The following TFDP1 variants were observed in gnomAD, a reference collection of about 807,000 sequenced individuals.
TFDP1 encodes transcription factor Dp-1, also known as DRTF1-polypeptide 1.
Under a neutral mutation model 48.0 loss-of-function variants are expected in TFDP1, and 6 were observed. The observed-to-expected ratio is 0.13, with a 90% CI of 0.07 to 0.25. The LOEUF is 0.25. Among genes scored for constraint, TFDP1 ranks in the 10% least tolerant of loss-of-function variants. The pLI is 1.00. For missense variants in TFDP1, 335 were observed against 543.0 expected (o/e 0.62, Z 3.81); for synonymous variants, 201 against 211.6 (o/e 0.95, Z 0.44).
chr13:113,601,287 G>T (rs956924632), intron 2 of TFDP1, among the ~76,000 whole-genome samples: 5 of 133,578 alleles, frequency 3.7e-5, no homozygotes, highest in African/African-American at 1.3e-4. Flanking sequence ...GGCGGCCCTG[G>T]CCTGTGGTGC....
At chr13:113,588,611 A>T (rs1394770574) in intron 2 of TFDP1, among the ~76,000 whole-genome samples, 1 of 152,160 alleles carries the variant, frequency 6.6e-6, no homozygotes, top group African/African-American at 2.4e-5. Context: ...ACGAGGGAGG[A>T]GAGAGGTACT....
At chr13:113,625,286 T>C (rs1444721437) in intron 4 of TFDP1, among the ~76,000 whole-genome samples, 212 of 118,582 alleles carry the variant, frequency 1.8e-3, no homozygotes, top group Middle Eastern at 4.8e-3. Context: ...GTCTCTCACG[T>C]GTCCTCAGGT....
At chr13:113,600,107 C>T (rs560336841) in intron 2 of TFDP1, among the ~76,000 whole-genome samples, 2 of 150,694 alleles carry the variant, frequency 1.3e-5, no homozygotes, top group African/African-American at 2.4e-5. Flanking sequence ...AGAGAGAACC[C>T]AGGACCGTGA....
rs58126506 is a variant in TFDP1, at chr13:113,602,985, A to AAAAAAAC, written c.13-8010_13-8009insAAAAACA. ...ATAGTTGAGCTAAAAAAAAAAAAAAAACGTATAATTTACAAATTTGTGTTG... is the reference window on the plus strand; with the variant it reads ...ATAGTTGAGCTAAAAAAAAAAAAAAAAAAAAACACGTATAATTTACAAATTTGTGTTG... On this transcript the variant is annotated intron_variant, in intron 2 of 11. Transcript: ENST00000375370. 2.1e-4 allele frequency among the ~76,000 whole-genome samples: 31 copies of AAAAAAAC among 146,958 alleles called. 1 individual carries two copies. The South Asian group carries it at 5.6e-3, about 26-fold the overall frequency.
chr13:113,639,557 C>T lies in TFDP1; in HGVS notation c.1086-563C>T, dbSNP rs559171829. On this transcript the variant is annotated intron_variant, in intron 11 of 11. Transcript: ENST00000375370. Reference sequence around the variant, plus strand: ...ATTTTTATTGTAGTGTTAATAAATACCATTAAAATGTATTAAAATATGTAC... The same window carrying T: ...ATTTTTATTGTAGTGTTAATAAATATCATTAAAATGTATTAAAATATGTAC... Among the ~76,000 whole-genome samples the T allele has an allele frequency of 4.5e-4, 68 of 152,296 alleles. 2 individuals carry two copies. In the South Asian group the frequency reaches 0.014, roughly 31 times the overall value.
chr13:113,637,630 C>T (rs2049526320), intron 10 of TFDP1, 188 bp from the exon 11 acceptor site: 4 of 1,535,570 alleles, frequency 2.6e-6, no homozygotes, highest in African/African-American at 2.7e-5. Context: ...AGAAGACAGG[C>T]TTATGTGACT....
chr13:113,638,590 A>G (rs548027346), intron 11 of TFDP1, among the ~76,000 whole-genome samples: 24 of 152,256 alleles, frequency 1.6e-4, no homozygotes, highest in Non-Finnish European at 2.5e-4. Flanking sequence ...CACAGCACAC[A>G]TATTTTGTTC....
chr13:113,616,382 G>A (rs1253422724), intron 3 of TFDP1, among the ~76,000 whole-genome samples: 4 of 152,064 alleles, frequency 2.6e-5, no homozygotes, highest in Admixed American at 1.3e-4. Flanking sequence ...ATTTGCTGCC[G>A]TTTTCTCGTA....
At position 113,593,332 on chromosome 13, in the gene TFDP1, C is replaced by G. The variant is rs1266477471; in HGVS notation, c.12+7483C>G. Among the ~76,000 whole-genome samples, 145 of 126,472 alleles carry G rather than the reference C, an allele frequency of 1.1e-3. No individual in the cohort carries two copies. In the Middle Eastern group the frequency reaches 0.032, roughly 28 times the overall value. 83.0% of individuals were successfully genotyped at this position (126,472 alleles called of 152,430 possible). On this transcript the variant is annotated intron_variant, in intron 2 of 11. Transcript: ENST00000375370. Reference sequence around the variant, plus strand: ...GTGTGGTGTGCGCAGGTCCTCAGCCCTGCCCAGGTGACAGGTGTGCTGTGT... The same window carrying G: ...GTGTGGTGTGCGCAGGTCCTCAGCCGTGCCCAGGTGACAGGTGTGCTGTGT...
intron 2 of TFDP1, among the ~76,000 whole-genome samples, chr13:113,588,204 C>G (rs150762135): frequency 3.3e-5 from 5 of 152,342 alleles, no homozygotes; most frequent in African/African-American, 1.2e-4. Context: ...AGGTGTATGT[C>G]AAAAGCCTTT....
intron 2 of TFDP1, among the ~76,000 whole-genome samples, chr13:113,604,781 C>CCCA (rs2048524360): frequency 6.6e-6 from 1 of 152,206 alleles, no homozygotes; most frequent in Non-Finnish European, 1.5e-5. Flanking sequence ...AGGCGGTCAC[C>CCCA]CCACATACAG....
At chr13:113,591,551 TC>T (rs1421873725) in intron 2 of TFDP1, among the ~76,000 whole-genome samples, 1 of 152,218 alleles carries the variant, frequency 6.6e-6, no homozygotes, top group Non-Finnish European at 1.5e-5. Context: ...GGTGCACAGC[TC>T]GATTTGCAGT....
At chr13:113,637,708 G>A (rs984213245) in intron 10 of TFDP1, 110 bp from the exon 11 acceptor site, 7 of 1,588,288 alleles carry the variant, frequency 4.4e-6, no homozygotes, top group Non-Finnish European at 6.0e-6. Flanking sequence ...ATATCCGGAA[G>A]CTTCTACAGC....
At chr13:113,605,223 G>A (rs2048534962) in intron 2 of TFDP1, among the ~76,000 whole-genome samples, 1 of 152,152 alleles carries the variant, frequency 6.6e-6, no homozygotes, top group Non-Finnish European at 1.5e-5. Context: ...GAGAGTGAGT[G>A]TGGCTTTGAA....
At chr13:113,620,497 T>A (rs1351393951) in intron 3 of TFDP1, among the ~76,000 whole-genome samples, 1 of 152,252 alleles carries the variant, frequency 6.6e-6, no homozygotes. Context: ...ATCTTTGTAA[T>A]GAATCAACTA....
Position 113,596,081 on chromosome 13 carries a change from C to CA in TFDP1, c.12+10243dup, listed in dbSNP as rs929577331. Among the ~76,000 whole-genome samples, 453 of 144,814 alleles carry CA rather than the reference C, an allele frequency of 3.1e-3. 4 individuals are homozygous for CA. Among genetic ancestry groups the CA allele is most frequent in the African/African-American group, 0.01 (414 of 39,684 alleles). ...TGGGCGACAGAGTGAGACTCCGTCT[C>CA]AAAAAAAAAAAGTATTAATGGCTCG... On this transcript the variant is annotated intron_variant, in intron 2 of 11. Coordinates refer to ENST00000375370, the MANE Select transcript of TFDP1 (RefSeq NM_007111.5).
chr13:113,628,247 GAGACTGTGTCTGAAGCCGTGTAA>G (rs1566670147), intron 4 of TFDP1, among the ~76,000 whole-genome samples: 1 of 145,370 alleles, frequency 6.9e-6, no homozygotes, highest in Non-Finnish European at 1.5e-5. Flanking sequence ...GAGCCGTGTA[GAGACTGTGTCTGAAGCCGTGTAA>G]AGACTGTGTC....
intron 4 of TFDP1, among the ~76,000 whole-genome samples, chr13:113,628,084 G>A (rs1342154978): frequency 6.6e-6 from 1 of 152,228 alleles, no homozygotes; most frequent in African/African-American, 2.4e-5. Context: ...TGTGTCTGAA[G>A]CCGTGTAAAG....
intron 2 of TFDP1, among the ~76,000 whole-genome samples, chr13:113,592,476 G>C (rs1566634077): frequency 6.6e-6 from 1 of 152,176 alleles, no homozygotes; most frequent in East Asian, 1.9e-4. Flanking sequence ...GTTTTTCTAT[G>C]GTCCAGTTTC....
Sources: allele counts gnomAD v4.1 joint callset (sites outside exome capture counted in the v4.1 genomes callset), GRCh38; gene constraint gnomAD v4.1.1; transcripts MANE v1.5; gene names NCBI Gene and HGNC (gene_info 2026-07-23, HGNC 2026-07-21).